The following TENM2 variants were observed in gnomAD, a reference collection of about 807,000 sequenced individuals.
TENM2 encodes teneurin-2.
Under a neutral mutation model 245.2 loss-of-function variants are expected in TENM2, and 52 were observed. That is an observed-to-expected ratio of 0.21 (90% CI 0.17 to 0.27). The LOEUF (loss-of-function observed/expected upper bound fraction) is 0.27, where lower values mean the gene tolerates loss of function less well. TENM2 is among the 10% of genes least tolerant of loss of function. The pLI, the probability that TENM2 is intolerant of heterozygous loss-of-function variation, is 1.00. For missense variants in TENM2, 3,046 were observed against 3,666.8 expected (o/e 0.83, Z 4.37); for synonymous variants, 1,363 against 1,438.9 (o/e 0.95, Z 1.19).
the TENM2 span, among the ~76,000 whole-genome samples, chr5:167,268,680 T>G: frequency 1.3e-5 from 2 of 152,166 alleles, no homozygotes; most frequent in Non-Finnish European, 2.9e-5. Context: ...AATAAAGTTT[T>G]ATTGAAACAC....
At chr5:168,180,489 G>T (rs556107170) in intron 13 of TENM2, among the ~76,000 whole-genome samples, 1 of 152,344 alleles carries the variant, frequency 6.6e-6, no homozygotes, top group South Asian at 2.1e-4. Flanking sequence ...AAAAACTGTT[G>T]TAGCCCCTCA....
rs533829387 is a variant in TENM2 at position 167,609,879 on chromosome 5, G to A, written c.502+234406G>A. On this transcript the variant is annotated intron_variant, in intron 2 of 28. Transcript: ENST00000518659. ...TCAATTCTCCAGCAGACCCCAGCTGGGAGTTCTATAATTCAATTCCAATGC... is the reference window on the plus strand; with the variant it reads ...TCAATTCTCCAGCAGACCCCAGCTGAGAGTTCTATAATTCAATTCCAATGC... Among the ~76,000 whole-genome samples, 3 of 152,156 alleles carry A rather than the reference G, an allele frequency of 2.0e-5. No homozygotes were observed. The South Asian group carries it at 6.2e-4, about 32-fold the overall frequency.
intron 2 of TENM2, among the ~76,000 whole-genome samples, chr5:167,842,709 T>C (rs953610744): frequency 6.6e-6 from 1 of 151,826 alleles, no homozygotes; most frequent in Non-Finnish European, 1.5e-5. Context: ...CCATTCAAGG[T>C]TGCCATTATA....
chr5:167,591,298 A>G (rs1775861325), intron 2 of TENM2, among the ~76,000 whole-genome samples: 1 of 152,242 alleles, frequency 6.6e-6, no homozygotes. Context: ...GTTTGAACCC[A>G]TCTTCTCCCA....
the TENM2 span, among the ~76,000 whole-genome samples, chr5:167,097,087 G>A: frequency 3.5e-3 from 525 of 152,132 alleles, 1 homozygote; most frequent in Non-Finnish European, 5.8e-3. Flanking sequence ...GCTAACTATC[G>A]TCTTTTCTTT....
At position 167,858,641 on chromosome 5, in the gene TENM2, G is replaced by A. The variant is rs1771312532; in HGVS notation, c.503-17345G>A. Reference sequence around the variant, plus strand: ...GGTTGGCGCGGCTGCGCTGCGGCCCGGGGCAGTGCGGAGCCGGGACAGTCG... The same window carrying A: ...GGTTGGCGCGGCTGCGCTGCGGCCCAGGGCAGTGCGGAGCCGGGACAGTCG... On this transcript the variant is annotated intron_variant, in intron 2 of 28. Coordinates refer to ENST00000518659, the Ensembl canonical transcript of TENM2. 3.3e-5 allele frequency among the ~76,000 whole-genome samples: 5 copies of A among 151,700 alleles called. No homozygotes were observed. The South Asian group carries it at 1.0e-3, about 31-fold the overall frequency.
At chr5:167,343,299 C>T (rs1758238597) in intron 1 of TENM2, among the ~76,000 whole-genome samples, 1 of 152,116 alleles carries the variant, frequency 6.6e-6, no homozygotes, top group African/African-American at 2.4e-5. Flanking sequence ...GGTTTCTTTA[C>T]CTTGAAAAAT....
chr5:167,384,284 G>C (rs1014181074), intron 2 of TENM2, among the ~76,000 whole-genome samples: 1 of 152,188 alleles, frequency 6.6e-6, no homozygotes, highest in African/African-American at 2.4e-5. Flanking sequence ...TACTGGTACA[G>C]TAAGGGAAGC....
At chr5:168,050,360 C>T (rs1788971292) in intron 6 of TENM2, among the ~76,000 whole-genome samples, 1 of 152,198 alleles carries the variant, frequency 6.6e-6, no homozygotes, top group African/African-American at 2.4e-5. Flanking sequence ...GACCTCCGCG[C>T]TCCCCATTCC....
intron 17 of TENM2, 140 bp from the exon 20 acceptor site, chr5:168,203,549 G>A: frequency 1.3e-6 from 1 of 758,172 alleles, no homozygotes; most frequent in Non-Finnish European, 2.0e-6. Flanking sequence ...AAAGCAATCA[G>A]CCTGCCTCTT....
chr5:167,963,994 A>G (rs1781203607), intron 4 of TENM2, among the ~76,000 whole-genome samples: 1 of 152,200 alleles, frequency 6.6e-6, no homozygotes, highest in Admixed American at 6.5e-5. Context: ...CGAAAATCAA[A>G]CATAAGGCAG....
intron 2 of TENM2, among the ~76,000 whole-genome samples, chr5:167,791,860 G>A (rs1764999925): frequency 6.6e-6 from 1 of 152,100 alleles, no homozygotes; most frequent in South Asian, 2.1e-4. Context: ...TCAGAGTCAT[G>A]TGGAGTGCAA....
At chr5:168,187,688 G>A (rs546560622) in intron 13 of TENM2, 1 of 152,332 alleles carries the variant, frequency 6.6e-6, no homozygotes, top group East Asian at 1.9e-4. Flanking sequence ...AGAATTCTAT[G>A]CACTTTTTTT....
intron 14 of TENM2, among the ~76,000 whole-genome samples, chr5:168,191,423 G>A (rs1760949162): frequency 2.0e-5 from 3 of 152,100 alleles, no homozygotes; most frequent in South Asian, 4.2e-4. Flanking sequence ...CCTCTCAGTT[G>A]GTCCAAGTCC....
intron 5 of TENM2, among the ~76,000 whole-genome samples, chr5:168,008,962 T>C (rs1035996830): frequency 6.6e-6 from 1 of 152,192 alleles, no homozygotes; most frequent in Non-Finnish European, 1.5e-5. Context: ...TCAAGACCCC[T>C]TCTGAGGCAT....
intron 2 of TENM2, among the ~76,000 whole-genome samples, chr5:167,832,523 A>C (rs975587485): frequency 1.3e-5 from 2 of 152,232 alleles, no homozygotes; most frequent in Non-Finnish European, 2.9e-5. Flanking sequence ...AAACTGCACG[A>C]TGTTTATGTA....
At chr5:167,015,589 A>G in the TENM2 span, among the ~76,000 whole-genome samples, 1 of 152,164 alleles carries the variant, frequency 6.6e-6, no homozygotes, top group East Asian at 1.9e-4. Context: ...ATTCTTGCCC[A>G]TTACTTAGAA....
At chr5:167,347,653 ATCCTTCCT>A (rs199948480) in intron 1 of TENM2, among the ~76,000 whole-genome samples, 1 of 151,290 alleles carries the variant, frequency 6.6e-6, no homozygotes, top group Non-Finnish European at 1.5e-5. Context: ...TCTTCCTTCC[ATCCTTCCT>A]TCCTTCCTAC....
chr5:167,872,296 TAGAAAGAAAGAAAGAA>T (rs56684638), intron 2 of TENM2, among the ~76,000 whole-genome samples: 4,530 of 104,478 alleles, frequency 0.043, 117 homozygotes, highest in Middle Eastern at 0.085. Flanking sequence ...AAGAGAAAGA[TAGAAAGAAAGAAAGAA>T]AGAAAGAAAG....
Sources: allele counts gnomAD v4.1 joint callset (sites outside exome capture counted in the v4.1 genomes callset), GRCh38; gene constraint gnomAD v4.1.1; transcripts MANE v1.5; gene names NCBI Gene and HGNC (gene_info 2026-07-23, HGNC 2026-07-21).